The following POU6F2 variants were observed in gnomAD, a reference collection of about 807,000 sequenced individuals.
POU6F2 encodes POU class 6 homeobox 2.
In POU6F2, 31 loss-of-function variants were observed where a neutral mutation model predicts 71.3. The observed-to-expected ratio is 0.43, with a 90% CI of 0.33 to 0.59. The LOEUF (loss-of-function observed/expected upper bound fraction) is 0.59, where lower values mean the gene tolerates loss of function less well. Ranked by LOEUF, POU6F2 falls within the 20% of genes least tolerant of loss-of-function variation. POU6F2 has a pLI of 0.04. For missense variants in POU6F2, 783 were observed against 856.8 expected, an observed-to-expected ratio of 0.91 and a Z score of 1.07; for synonymous variants, 347 against 355.7, an observed-to-expected ratio of 0.98 and a Z score of 0.27.
At position 39,206,189 on chromosome 7, in the gene POU6F2, A is replaced by C. The variant is rs550564565; in HGVS notation, c.370-1203A>C. Among the ~76,000 whole-genome samples the C allele has an allele frequency of 6.6e-5, 10 of 152,336 alleles. No individual in the cohort carries two copies. The East Asian group carries it at 1.9e-3, about 29-fold the overall frequency. On this transcript the variant is annotated intron_variant, in intron 3 of 9. Coordinates refer to ENST00000518318, the MANE Select transcript of POU6F2 (RefSeq NM_001370959.1). The stretch of plus-strand genomic sequence containing the variant: ...GTAGAAGAACAACAGATACAGGATT[A>C]TTATGTTCCACATGGCTCCCACAAG...
At chr7:39,376,575 T>C (rs1223743930) in intron 5 of POU6F2, among the ~76,000 whole-genome samples, 1 of 152,200 alleles carries the variant, frequency 6.6e-6, no homozygotes, top group African/African-American at 2.4e-5. Flanking sequence ...GCTCTCTCAT[T>C]TCACAGATAA....
chr7:39,338,263 T>A (rs1268372551), intron 4 of POU6F2, among the ~76,000 whole-genome samples: 2 of 152,188 alleles, frequency 1.3e-5, no homozygotes, highest in Non-Finnish European at 2.9e-5. Context: ...TCCCACATCT[T>A]TGATAAAATG....
intron 1 of POU6F2, among the ~76,000 whole-genome samples, chr7:39,015,379 A>T (rs1180265182): frequency 7.6e-6 from 1 of 131,868 alleles, no homozygotes; most frequent in Non-Finnish European, 1.6e-5. Flanking sequence ...TATTATGTAT[A>T]ATATATAATA....
chr7:39,420,638 G>T (rs750491399), intron 6 of POU6F2, among the ~76,000 whole-genome samples: 1 of 152,122 alleles, frequency 6.6e-6, no homozygotes, highest in Non-Finnish European at 1.5e-5. Flanking sequence ...AAGTTAAATA[G>T]ATTTTTTTAA....
intron 9 of POU6F2, among the ~76,000 whole-genome samples, chr7:39,461,286 A>G (rs780088105): frequency 6.6e-6 from 1 of 152,248 alleles, no homozygotes; most frequent in Admixed American, 6.5e-5. Context: ...AGAAAAGGGT[A>G]GTGAGAATCT....
chr7:39,173,194 T>C (rs1243987693), intron 2 of POU6F2, among the ~76,000 whole-genome samples: 1 of 152,246 alleles, frequency 6.6e-6, no homozygotes, highest in East Asian at 1.9e-4. Flanking sequence ...TTAACACATA[T>C]CTGTTTTCAG....
rs70977448 is a variant in POU6F2, at chr7:39,019,649, C to CT, written c.105+41606dup. ...ATCTTTTGCATTTTCTTTCTTTTTT[C>CT]TTTTTTTTTTTTTTTAAGATTCTGG... On this transcript the variant is annotated intron_variant, in intron 1 of 9. Coordinates refer to ENST00000518318, the MANE Select transcript of POU6F2 (RefSeq NM_001370959.1). Among the ~76,000 whole-genome samples the CT allele has an allele frequency of 4.5e-3, 616 of 137,788 alleles. 6 individuals are homozygous for CT. The highest frequency in any genetic ancestry group is 0.014 in the South Asian group (62 of 4,418). The allele number at this position is 137,788 out of a possible 152,430, so 90.4% of individuals were successfully genotyped here. A position where few individuals can be genotyped will look rare whatever the true frequency, so the allele number is the denominator to read the frequency against.
At chr7:39,016,560 C>G (rs1000760279) in intron 1 of POU6F2, among the ~76,000 whole-genome samples, 4 of 152,146 alleles carry the variant, frequency 2.6e-5, no homozygotes, top group East Asian at 1.9e-4. Context: ...AGCTCCCCCC[C>G]CGCTTACAGT....
At chr7:39,377,396 G>A (rs1231790742) in intron 5 of POU6F2, among the ~76,000 whole-genome samples, 1 of 152,058 alleles carries the variant, frequency 6.6e-6, no homozygotes, top group Non-Finnish European at 1.5e-5. Flanking sequence ...CTCCCAAAGT[G>A]CCGGGATTAC....
chr7:38,998,801 C>A (rs1788813710), intron 1 of POU6F2, among the ~76,000 whole-genome samples: 1 of 150,640 alleles, frequency 6.6e-6, no homozygotes, highest in Non-Finnish European at 1.5e-5. Flanking sequence ...AGGCGCCTGC[C>A]ACCACACCCG....
At chr7:39,435,058 C>G (rs914716482) in intron 7 of POU6F2, among the ~76,000 whole-genome samples, 3 of 152,104 alleles carry the variant, frequency 2.0e-5, no homozygotes, top group African/African-American at 7.2e-5. Flanking sequence ...GTTGGTTCCA[C>G]GTCTTTGCTA....
chr7:39,159,906 T>C (rs920566943), intron 2 of POU6F2, among the ~76,000 whole-genome samples: 1 of 152,180 alleles, frequency 6.6e-6, no homozygotes, highest in African/African-American at 2.4e-5. Context: ...GGTAGACTTG[T>C]GACTCTCAAC....
chr7:39,045,998 G>C (rs1790284721), intron 1 of POU6F2, among the ~76,000 whole-genome samples: 1 of 151,766 alleles, frequency 6.6e-6, no homozygotes, highest in African/African-American at 2.4e-5. Flanking sequence ...GGGTCATATT[G>C]ATATGTTTAT....
chr7:39,107,296 A>C (rs62442212), intron 2 of POU6F2, among the ~76,000 whole-genome samples: 54,654 of 151,558 alleles, frequency 0.36, 10,191 homozygotes, highest in East Asian at 0.64. Flanking sequence ...CCTCCCACCT[A>C]AGCCTCCCAA....
chr7:39,186,499 CT>C (rs1793543019), intron 2 of POU6F2, among the ~76,000 whole-genome samples: 1 of 152,082 alleles, frequency 6.6e-6, no homozygotes, highest in Admixed American at 6.6e-5. Flanking sequence ...CACTTAGGAC[CT>C]GAGTTATTTT....
At chr7:39,150,225 C>CTGTCTGTGTG (rs1554325542) in intron 2 of POU6F2, among the ~76,000 whole-genome samples, 1 of 141,160 alleles carries the variant, frequency 7.1e-6, no homozygotes, top group African/African-American at 2.7e-5. Flanking sequence ...AGTAATATGT[C>CTGTCTGTGTG]TGTGTGTGTG....
intron 7 of POU6F2, among the ~76,000 whole-genome samples, chr7:39,440,439 T>C (rs1788372263): frequency 6.6e-6 from 1 of 152,208 alleles, no homozygotes; most frequent in Non-Finnish European, 1.5e-5. Context: ...AAGATGGTCT[T>C]TAAACTCTGA....
In POU6F2 at chr7:39,178,905, G is replaced by A. The variant is rs187251876; in HGVS notation, c.278-25330G>A. 1.7e-3 allele frequency among the ~76,000 whole-genome samples: 259 copies of A among 152,274 alleles called. 1 individual carries two copies. The highest frequency in any genetic ancestry group is 5.8e-3 in the African/African-American group (243 of 41,544). On this transcript the variant is annotated intron_variant, in intron 2 of 9. Coordinates refer to ENST00000518318, the MANE Select transcript of POU6F2 (RefSeq NM_001370959.1). ...CCTGAGGCAAGCTGATCAAGTGTTTGTTTGGGTACAGGGCATTCTCAGCTG... is the reference window on the plus strand; with the variant it reads ...CCTGAGGCAAGCTGATCAAGTGTTTATTTGGGTACAGGGCATTCTCAGCTG...
chr7:39,387,168 C>A (rs747782952), intron 5 of POU6F2, among the ~76,000 whole-genome samples: 3 of 152,204 alleles, frequency 2.0e-5, no homozygotes, highest in Non-Finnish European at 2.9e-5. Flanking sequence ...CTGCTTGTCT[C>A]TCCACAGTGG....
Sources: allele counts gnomAD v4.1 joint callset (sites outside exome capture counted in the v4.1 genomes callset), GRCh38; gene constraint gnomAD v4.1.1; transcripts MANE v1.5; gene names NCBI Gene and HGNC (gene_info 2026-07-23, HGNC 2026-07-21).